The following DNM3 variants were observed in gnomAD, a reference collection of about 807,000 sequenced individuals.
DNM3 encodes the protein dynamin-3.
A neutral mutation model predicts 101.6 loss-of-function variants in DNM3; 47 were observed. The observed-to-expected ratio is 0.46, with a 90% CI of 0.37 to 0.59. The LOEUF (loss-of-function observed/expected upper bound fraction) is 0.59. Among genes scored for constraint, DNM3 ranks in the 20% least tolerant of loss-of-function variants. The probability of loss-of-function intolerance (pLI) is 0.00; values close to 1 mark genes in which losing one functional copy is unlikely to be tolerated. For missense variants in DNM3, 849 were observed against 1,085.7 expected, an observed-to-expected ratio of 0.78 and a Z score of 3.06; for synonymous variants, 385 against 387.9, an observed-to-expected ratio of 0.99 and a Z score of 0.09.
At chr1:171,888,849 G>T (rs1230828261) in intron 1 of DNM3, among the ~76,000 whole-genome samples, 1 of 152,158 alleles carries the variant, frequency 6.6e-6, no homozygotes, top group East Asian at 1.9e-4. Context: ...AGGCAGCATT[G>T]GGTATCATTT....
chr1:172,244,702 A>G (rs952982041), intron 14 of DNM3, among the ~76,000 whole-genome samples: 1 of 152,148 alleles, frequency 6.6e-6, no homozygotes, highest in Non-Finnish European at 1.5e-5. Context: ...AAGTCAGGAA[A>G]CAACAGGTGC....
intron 1 of DNM3, among the ~76,000 whole-genome samples, chr1:171,865,574 G>A (rs2034661812): frequency 6.7e-6 from 1 of 149,464 alleles, no homozygotes; most frequent in South Asian, 2.1e-4. Flanking sequence ...CAGGACCAAG[G>A]TAAGATAAAA....
At chr1:172,028,861 A>T (rs12059365) in intron 4 of DNM3, among the ~76,000 whole-genome samples, 4,271 of 152,266 alleles carry the variant, frequency 0.028, 223 homozygotes, top group African/African-American at 0.097. Flanking sequence ...TAAACCAGGA[A>T]GAAGTTGAAT....
intron 15 of DNM3, among the ~76,000 whole-genome samples, chr1:172,282,471 A>T (rs1025717123): frequency 6.6e-6 from 1 of 152,182 alleles, no homozygotes; most frequent in South Asian, 2.1e-4. Flanking sequence ...ATAATTAACA[A>T]GTATCAGGGT....
At chr1:171,937,292 A>G (rs1323783525) in intron 2 of DNM3, among the ~76,000 whole-genome samples, 1 of 151,148 alleles carries the variant, frequency 6.6e-6, no homozygotes, top group Admixed American at 6.6e-5. Context: ...TTTTTTTTCC[A>G]TTGTAACAAA....
In DNM3 at chr1:172,063,459, A is replaced by C. The variant is rs1318102810; in HGVS notation, c.1336-5360A>C. Among the ~76,000 whole-genome samples the C allele has an allele frequency of 2.6e-5, 4 of 152,204 alleles. No individual in the cohort carries two copies. The South Asian group carries it at 8.3e-4, about 32-fold the overall frequency. On this transcript the variant is annotated intron_variant, in intron 10 of 20. Coordinates refer to ENST00000627582, the MANE Select transcript of DNM3 (RefSeq NM_015569.5). ...CCAAAATAATTAATCAGTACCCTAAATAACACTTACAACATTGGACCTTAT... is the reference window on the plus strand; with the variant it reads ...CCAAAATAATTAATCAGTACCCTAACTAACACTTACAACATTGGACCTTAT...
intron 17 of DNM3, among the ~76,000 whole-genome samples, chr1:172,336,367 T>C (rs1262248331): frequency 2.0e-5 from 3 of 152,234 alleles, no homozygotes; most frequent in Non-Finnish European, 4.4e-5. Flanking sequence ...TATTATTGTA[T>C]ACAAATTTAG....
At chr1:172,222,023 A>C (rs1387735178) in intron 14 of DNM3, among the ~76,000 whole-genome samples, 3 of 152,106 alleles carry the variant, frequency 2.0e-5, no homozygotes, top group Non-Finnish European at 2.9e-5. Flanking sequence ...TTGCGAGTAT[A>C]TTATTTCAAT....
chr1:172,001,148 G>A (rs2046334672), intron 4 of DNM3, among the ~76,000 whole-genome samples: 1 of 152,022 alleles, frequency 6.6e-6, no homozygotes, highest in South Asian at 2.1e-4. Context: ...GAAAGGAAGA[G>A]GACATGGAGA....
At chr1:172,140,060 T>G (rs1357098712) in intron 14 of DNM3, 1 of 152,044 alleles carries the variant, frequency 6.6e-6, no homozygotes, top group East Asian at 1.9e-4. Flanking sequence ...CTCAAAGAAC[T>G]TTAAGAAAAA....
At chr1:172,355,671 C>T (rs2067417286) in intron 17 of DNM3, among the ~76,000 whole-genome samples, 1 of 152,062 alleles carries the variant, frequency 6.6e-6, no homozygotes, top group Non-Finnish European at 1.5e-5. Context: ...TTCTCATGAG[C>T]TGGTATAAAC....
Position 171,841,835 on chromosome 1 carries a change from G to A in DNM3, c.161+18G>A, listed in dbSNP as rs200086525. The stretch of plus-strand genomic sequence containing the variant: ...GTGGGCAGGTAAGCGCGCAGGGCGC[G>A]GAGTAAGGATGCGGCAGTGGGGCGA... On this transcript the variant is annotated intron_variant, in intron 1 of 20. Transcript: ENST00000627582. 5.0e-6 allele frequency: 8 copies of A among 1,600,570 alleles called. No homozygotes were observed. In the African/African-American group the frequency reaches 5.3e-5, roughly 11 times the overall value.
chr1:172,326,104 T>G (rs1050473750), intron 17 of DNM3, among the ~76,000 whole-genome samples: 3 of 152,208 alleles, frequency 2.0e-5, no homozygotes, highest in Non-Finnish European at 4.4e-5. Context: ...CTACAATAGA[T>G]GTGCATTTAG....
At chr1:172,299,279 T>A (rs1274352300) in intron 15 of DNM3, among the ~76,000 whole-genome samples, 1 of 152,200 alleles carries the variant, frequency 6.6e-6, no homozygotes, top group Non-Finnish European at 1.5e-5. Context: ...CCTGGGGGCT[T>A]TGTGGGCCAT....
At chr1:171,883,435 C>A (rs1224710286) in intron 1 of DNM3, among the ~76,000 whole-genome samples, 1 of 148,104 alleles carries the variant, frequency 6.8e-6, no homozygotes, top group Non-Finnish European at 1.5e-5. Flanking sequence ...TGAATACCAT[C>A]AATCTATAAA....
Position 172,408,977 on chromosome 1 carries a change from C to A in DNM3, c.*1136C>A, listed in dbSNP as rs2071066055. The stretch of plus-strand genomic sequence containing the variant: ...TTTACAGTTGCAGTATTTCAAAGTC[C>A]CTATCCAGGTCACTCCAGAAAAGGG... On this transcript the variant is annotated 3_prime_UTR_variant, in exon 21 of 21. Coordinates refer to ENST00000627582, the MANE Select transcript of DNM3 (RefSeq NM_015569.5). 1 of 985,106 alleles carries A rather than the reference C, an allele frequency of 1.0e-6. No individual in the cohort carries two copies. The allele number at this position is 985,106 out of a possible 1,614,324, so 61.0% of individuals were successfully genotyped here. A position where few individuals can be genotyped will look rare whatever the true frequency, so the allele number is the denominator to read the frequency against.
rs1029995791 is a variant in DNM3, at chr1:172,411,776, T to G, written c.*3935T>G. Reference sequence around the variant, plus strand: ...TGAACTCATGAAAGAAGATAGTGTATGAGACTTAAGCCATGAGTTTTGTAT... The same window carrying G: ...TGAACTCATGAAAGAAGATAGTGTAGGAGACTTAAGCCATGAGTTTTGTAT... On this transcript the variant is annotated 3_prime_UTR_variant, in exon 21 of 21. Transcript: ENST00000627582. The G allele has an allele frequency of 3.1e-5, 31 of 985,564 alleles. No homozygotes were observed. Among genetic ancestry groups the G allele is most frequent in the Non-Finnish European group, 3.5e-5 (29 of 829,826 alleles). 61.1% of individuals were successfully genotyped at this position (985,564 alleles called of 1,614,324 possible).
chr1:172,114,019 T>C (rs2055706186), intron 13 of DNM3, among the ~76,000 whole-genome samples: 3 of 152,200 alleles, frequency 2.0e-5, no homozygotes, highest in Non-Finnish European at 2.9e-5. Flanking sequence ...GTTCTCACTC[T>C]CTCATGAAGC....
chr1:172,360,617 G>T (rs1279481427), intron 17 of DNM3, among the ~76,000 whole-genome samples: 1 of 152,020 alleles, frequency 6.6e-6, no homozygotes, highest in Non-Finnish European at 1.5e-5. Context: ...CAAGTGCTAA[G>T]AACAATGGAG....
Sources: gnomAD v4.1 joint callset for allele counts (sites outside exome capture counted in the v4.1 genomes callset) on GRCh38, gnomAD v4.1.1 for gene constraint, MANE v1.5 for transcripts, NCBI Gene and HGNC (gene_info 2026-07-23, HGNC 2026-07-21) for gene names.